ROBO1: variants seen among roughly 807,000 people sequenced by gnomAD.
The protein encoded by ROBO1 is roundabout guidance receptor 1, also known as roundabout homolog 1.
Under a neutral mutation model 195.9 loss-of-function variants are expected in ROBO1, and 149 were observed. That is an observed-to-expected ratio of 0.76 (90% CI 0.67 to 0.87). The LOEUF (loss-of-function observed/expected upper bound fraction) is 0.87. Ranked by LOEUF, ROBO1 falls within the 40% of genes least tolerant of loss-of-function variation. The pLI is 0.00. For missense variants in ROBO1, 1,933 were observed against 2,068.3 expected, an observed-to-expected ratio of 0.93 and a Z score of 1.27; for synonymous variants, 816 against 733.2, an observed-to-expected ratio of 1.11 and a Z score of -1.82.
intron 2 of ROBO1, among the ~76,000 whole-genome samples, chr3:79,491,510 A>C (rs1437694455): frequency 6.6e-6 from 1 of 152,204 alleles, no homozygotes; most frequent in Non-Finnish European, 1.5e-5. Flanking sequence ...CACTGTTGTC[A>C]GGAACAGATT....
chr3:78,850,425 G>T lies in ROBO1; in HGVS notation c.499+88176C>A, dbSNP rs557481199. Among the ~76,000 whole-genome samples, 5 of 152,094 alleles carry T rather than the reference G, an allele frequency of 3.3e-5. No individual in the cohort carries two copies. The Middle Eastern group carries it at 0.017, about 517-fold the overall frequency. On this transcript the variant is annotated intron_variant, in intron 4 of 30. Coordinates refer to ENST00000464233, the MANE Select transcript of ROBO1 (RefSeq NM_002941.4). The stretch of plus-strand genomic sequence containing the variant: ...CAGATAACAAGTTTAATAACAAAGG[G>T]ATAAAGCAGTCACACAGAAAATAAT...
intron 3 of ROBO1, among the ~76,000 whole-genome samples, chr3:78,980,375 G>A (rs1005577475): frequency 6.6e-6 from 1 of 152,096 alleles, no homozygotes; most frequent in Non-Finnish European, 1.5e-5. Context: ...ATGTCACCAT[G>A]CCACAGCATT....
At chr3:79,280,791 C>A (rs188084492) in intron 2 of ROBO1, among the ~76,000 whole-genome samples, 2 of 152,234 alleles carry the variant, frequency 1.3e-5, no homozygotes, top group African/African-American at 2.4e-5. Flanking sequence ...TCATAAGGAG[C>A]CTGCAACCTA....
intron 4 of ROBO1, among the ~76,000 whole-genome samples, chr3:78,865,103 T>C (rs904211146): frequency 7.9e-5 from 12 of 152,176 alleles, no homozygotes; most frequent in Non-Finnish European, 1.8e-4. Context: ...GCCTGGCTTG[T>C]GGGAAACTGT....
At chr3:79,274,358 T>G (rs559742502) in intron 2 of ROBO1, among the ~76,000 whole-genome samples, 1 of 151,790 alleles carries the variant, frequency 6.6e-6, no homozygotes, top group Non-Finnish European at 1.5e-5. Context: ...TTTTGGAAAC[T>G]GAAAAAATAC....
chr3:79,612,686 C>A (rs1944698287), intron 1 of ROBO1, among the ~76,000 whole-genome samples: 1 of 143,724 alleles, frequency 7.0e-6, no homozygotes, highest in Non-Finnish European at 1.5e-5. Context: ...TCCTCTCCAG[C>A]ACCTGTTGTT....
intron 2 of ROBO1, among the ~76,000 whole-genome samples, chr3:79,370,631 TA>T (rs2036157184): frequency 6.6e-6 from 1 of 151,274 alleles, no homozygotes; most frequent in Non-Finnish European, 1.5e-5. Flanking sequence ...TGTTATGATG[TA>T]AGTTATATAT....
At chr3:79,383,540 T>A (rs771342096) in intron 2 of ROBO1, among the ~76,000 whole-genome samples, 45 of 151,968 alleles carry the variant, frequency 3.0e-4, no homozygotes, top group Non-Finnish European at 4.6e-4. Context: ...CAACAGTCAG[T>A]CTCATCTCTT....
intron 4 of ROBO1, among the ~76,000 whole-genome samples, chr3:78,772,785 CATTTAATCCTCACAAGAATTGGTGAAG>C (rs2083410408): frequency 6.6e-6 from 1 of 152,006 alleles, no homozygotes; most frequent in South Asian, 2.1e-4. Context: ...AATTGAATCT[CATTTAATCCTCACAAGAATTGGTGAAG>C]AGTTTTCACT....
At chr3:79,068,681 C>T (rs1470831282) in intron 3 of ROBO1, among the ~76,000 whole-genome samples, 1 of 151,794 alleles carries the variant, frequency 6.6e-6, no homozygotes, top group Non-Finnish European at 1.5e-5. Context: ...GACTTTCTCT[C>T]TACCTAACAG....
intron 10 of ROBO1, among the ~76,000 whole-genome samples, chr3:78,676,175 T>C (rs1485113104): frequency 2.6e-5 from 4 of 152,070 alleles, no homozygotes; most frequent in African/African-American, 4.8e-5. Flanking sequence ...AACCCATCTA[T>C]ACATCACCAT....
chr3:79,473,526 G>A (rs969470503), intron 2 of ROBO1, among the ~76,000 whole-genome samples: 5 of 151,958 alleles, frequency 3.3e-5, no homozygotes, highest in African/African-American at 9.7e-5. Context: ...AATAATACCC[G>A]CTGAAATGGT....
intron 8 of ROBO1, among the ~76,000 whole-genome samples, chr3:78,705,730 T>C (rs2081534645): frequency 6.6e-6 from 1 of 152,140 alleles, no homozygotes; most frequent in South Asian, 2.1e-4. Flanking sequence ...GCTGGCGTCA[T>C]CCAATCCGTT....
intron 2 of ROBO1, among the ~76,000 whole-genome samples, chr3:79,398,709 A>T (rs191297810): frequency 6.6e-6 from 1 of 152,212 alleles, no homozygotes; most frequent in East Asian, 1.9e-4. Flanking sequence ...TACCAACTAA[A>T]TGTTGGTGGC....
At chr3:78,643,553 T>C (rs1402705508) in intron 21 of ROBO1, among the ~76,000 whole-genome samples, 3 of 152,044 alleles carry the variant, frequency 2.0e-5, no homozygotes, top group Non-Finnish European at 2.9e-5. Context: ...TCTTGGCAAA[T>C]GGCAGGTGGG....
At chr3:79,061,225 A>T (rs528550366) in intron 3 of ROBO1, among the ~76,000 whole-genome samples, 1 of 152,330 alleles carries the variant, frequency 6.6e-6, no homozygotes, top group African/African-American at 2.4e-5. Context: ...ACACAGAGCC[A>T]AATCACGAGT....
intron 26 of ROBO1, among the ~76,000 whole-genome samples, chr3:78,624,439 C>G (rs1704636610): frequency 2.6e-5 from 4 of 152,048 alleles, no homozygotes; most frequent in Admixed American, 2.6e-4. Context: ...CCATAATACC[C>G]TTACAGATTG....
chr3:78,720,952 G>C (rs11919682), intron 5 of ROBO1, among the ~76,000 whole-genome samples: 37,942 of 147,074 alleles, frequency 0.26, 5,206 homozygotes, highest in African/African-American at 0.28. Context: ...TGTGGGGTTG[G>C]GGGGGGGGCG....
chr3:78,859,700 G>A (rs922861071), intron 4 of ROBO1, among the ~76,000 whole-genome samples: 5 of 152,156 alleles, frequency 3.3e-5, no homozygotes, highest in African/African-American at 1.2e-4. Context: ...TACTGCATGA[G>A]GGAGAGGAAC....
Sources: gnomAD v4.1 joint callset for allele counts (sites outside exome capture counted in the v4.1 genomes callset) on GRCh38, gnomAD v4.1.1 for gene constraint, MANE v1.5 for transcripts, NCBI Gene and HGNC (gene_info 2026-07-23, HGNC 2026-07-21) for gene names.